The following LRRC37A2 variants were observed in gnomAD, a reference collection of about 807,000 sequenced individuals.
The protein encoded by LRRC37A2 is leucine rich repeat containing 37 member A2.
A neutral mutation model predicts 68.8 loss-of-function variants in LRRC37A2; 9 were observed. That is an observed-to-expected ratio of 0.13 (90% CI 0.08 to 0.23). The LOEUF (loss-of-function observed/expected upper bound fraction) is 0.23. Among genes scored for constraint, LRRC37A2 ranks in the 10% least tolerant of loss-of-function variants. The pLI is 1.00. For synonymous variants in LRRC37A2, 63 were observed against 367.6 expected (o/e 0.17, Z 9.48); for missense variants, 168 against 950.4 (o/e 0.18, Z 10.82).
At chr17:46,875,465 T>A in the LRRC37A2 span, 23 of 1,410,608 alleles carry the variant, frequency 1.6e-5, no homozygotes, top group African/African-American at 2.8e-4. Flanking sequence ...CCAAAATACA[T>A]GAAGAGCCGT....
the LRRC37A2 span, among the ~76,000 whole-genome samples, chr17:46,831,187 G>T: frequency 1.3e-5 from 2 of 152,204 alleles, no homozygotes; most frequent in Non-Finnish European, 2.9e-5. Flanking sequence ...TGCAGTCAGG[G>T]TGCGCTGTAA....
the LRRC37A2 span, among the ~76,000 whole-genome samples, chr17:46,958,250 C>T: frequency 6.6e-6 from 1 of 152,220 alleles, no homozygotes; most frequent in African/African-American, 2.4e-5. Context: ...TCAACCTTCA[C>T]ATTTTACAGG....
chr17:46,791,686 C>T, the LRRC37A2 span, among the ~76,000 whole-genome samples: 11 of 152,228 alleles, frequency 7.2e-5, no homozygotes, highest in East Asian at 1.9e-4. Flanking sequence ...ATTCTACTTA[C>T]ATTCATCACA....
the LRRC37A2 span, among the ~76,000 whole-genome samples, chr17:46,863,090 G>T: frequency 6.8e-6 from 1 of 147,584 alleles, no homozygotes; most frequent in Non-Finnish European, 1.5e-5. Context: ...GAGAGCATAC[G>T]CCAGCAATCA....
the LRRC37A2 span, among the ~76,000 whole-genome samples, chr17:46,992,853 CAAAAAAAAAAAAAAA>C: frequency 4.6e-5 from 3 of 65,166 alleles, no homozygotes; most frequent in African/African-American, 2.1e-4. Context: ...AACTCCATCT[CAAAAAAAAAAAAAAA>C]AAAAAAAAAG....
the LRRC37A2 span, chr17:46,757,282 C>G: frequency 1.3e-5 from 2 of 152,488 alleles, no homozygotes; most frequent in African/African-American, 4.8e-5. Flanking sequence ...TTCCTGGTGG[C>G]CAGTATCCTG....
At chr17:46,854,478 T>A in the LRRC37A2 span, among the ~76,000 whole-genome samples, 2 of 152,138 alleles carry the variant, frequency 1.3e-5, no homozygotes, top group East Asian at 3.9e-4. Flanking sequence ...CCCAGAAGGA[T>A]CTCTGGTCCA....
the LRRC37A2 span, among the ~76,000 whole-genome samples, chr17:47,000,276 C>A: frequency 6.7e-6 from 1 of 149,720 alleles, no homozygotes; most frequent in African/African-American, 2.5e-5. Flanking sequence ...GCTCTGCCAC[C>A]CAGGCTGGAG....
chr17:46,622,383 G>A, the LRRC37A2 span, among the ~76,000 whole-genome samples: 2 of 150,514 alleles, frequency 1.3e-5, no homozygotes, highest in East Asian at 2.0e-4. Flanking sequence ...GCGTGAACCC[G>A]GGAGGCGGAG....
At chr17:46,569,149 T>C in the LRRC37A2 span, among the ~76,000 whole-genome samples, 1 of 151,414 alleles carries the variant, frequency 6.6e-6, no homozygotes, top group Non-Finnish European at 1.5e-5. Flanking sequence ...GGTTTCACCA[T>C]GTTGGCCAGG....
chr17:46,768,142 C>G, the LRRC37A2 span, among the ~76,000 whole-genome samples: 1 of 152,184 alleles, frequency 6.6e-6, no homozygotes, highest in African/African-American at 2.4e-5. The surrounding 1 kb of genome is among the most constrained non-coding windows in gnomAD (Gnocchi z 5.0). Flanking sequence ...TGCCCAAGGA[C>G]CATTCCCACG....
chr17:46,440,402 T>TTTTA, the LRRC37A2 span, among the ~76,000 whole-genome samples: 3 of 79,610 alleles, frequency 3.8e-5, no homozygotes, highest in Admixed American at 1.2e-4. Context: ...ATTTTATTTT[T>TTTTA]TTTTTTTTTG....
chr17:47,022,062 A>G, the LRRC37A2 span: 4 of 687,566 alleles, frequency 5.8e-6, no homozygotes, highest in East Asian at 1.1e-4. Flanking sequence ...CTGCAATCGT[A>G]TGGTTATTTT....
the LRRC37A2 span, among the ~76,000 whole-genome samples, chr17:46,844,602 C>T: frequency 6.6e-6 from 1 of 152,146 alleles, no homozygotes; most frequent in African/African-American, 2.4e-5. Context: ...CTCTAGGCAC[C>T]TATGAACTTC....
At chr17:46,883,876 C>A in the LRRC37A2 span, among the ~76,000 whole-genome samples, 7 of 152,198 alleles carry the variant, frequency 4.6e-5, no homozygotes, top group Non-Finnish European at 8.8e-5. Context: ...CTTATCCCCC[C>A]ACTCCCATCC....
the LRRC37A2 span, among the ~76,000 whole-genome samples, chr17:46,499,235 C>G: frequency 3.0e-5 from 4 of 131,870 alleles, no homozygotes; most frequent in Non-Finnish European, 6.1e-5. Context: ...TGGCTTGAAC[C>G]TGGGAGGTGG....
chr17:46,418,408 T>G, the LRRC37A2 span, among the ~76,000 whole-genome samples: 1 of 52,438 alleles, frequency 1.9e-5, no homozygotes, highest in Admixed American at 2.1e-4. Flanking sequence ...CACTGTAAAA[T>G]TTTTTGCTTT....
At chr17:46,771,827 G>T in the LRRC37A2 span, among the ~76,000 whole-genome samples, 1 of 144,028 alleles carries the variant, frequency 6.9e-6, no homozygotes, top group African/African-American at 2.5e-5. Context: ...GCGGCCGCGC[G>T]GTGGGGGGGC....
At chr17:46,862,080 T>C in the LRRC37A2 span, among the ~76,000 whole-genome samples, 1 of 151,122 alleles carries the variant, frequency 6.6e-6, no homozygotes, top group South Asian at 2.1e-4. Context: ...AGAGAATTGC[T>C]TGAACCTGGG....
Sources: gnomAD v4.1 joint callset for allele counts (sites outside exome capture counted in the v4.1 genomes callset) on GRCh38, gnomAD v4.1.1 for gene constraint, Gnocchi (gnomAD v3.1) non-coding constraint, MANE v1.5 for transcripts, NCBI Gene and HGNC (gene_info 2026-07-23, HGNC 2026-07-21) for gene names.